SUCLG1: variants seen among roughly 807,000 people sequenced by gnomAD.
SUCLG1 encodes succinate--CoA ligase [ADP/GDP-forming] subunit alpha, mitochondrial.
Under a neutral mutation model 37.3 loss-of-function variants are expected in SUCLG1, and 26 were observed. The ratio of observed to expected loss-of-function variants is 0.70; its 90% CI spans 0.51 to 0.97. SUCLG1 has a LOEUF of 0.97. SUCLG1 is among the 50% of genes least tolerant of loss of function. The pLI, the probability that SUCLG1 is intolerant of heterozygous loss-of-function variation, is 0.00. For missense variants in SUCLG1, 433 were observed against 432.9 expected (o/e 1.00, Z 0.00); for synonymous variants, 163 against 155.6 (o/e 1.05, Z -0.36).
chr2:84,455,842 A>C (rs1305482042), intron 1 of SUCLG1, among the ~76,000 whole-genome samples: 1 of 132,030 alleles, frequency 7.6e-6, no homozygotes, highest in East Asian at 2.0e-4. Context: ...TCTCAAAACA[A>C]AAAAAAAAAA....
At chr2:84,452,320 G>A (rs1672954011) in intron 1 of SUCLG1, among the ~76,000 whole-genome samples, 1 of 152,160 alleles carries the variant, frequency 6.6e-6, no homozygotes, top group African/African-American at 2.4e-5. Context: ...ACTTCCTAAA[G>A]TGAAATTTAG....
chr2:84,457,414 TA>T (rs1673038862), intron 1 of SUCLG1, among the ~76,000 whole-genome samples: 5 of 152,146 alleles, frequency 3.3e-5, no homozygotes, highest in Admixed American at 3.3e-4. Flanking sequence ...CCCACTCCAG[TA>T]ACAAAACTAA....
chr2:84,444,919 T>A (rs985611833), intron 2 of SUCLG1, among the ~76,000 whole-genome samples: 5 of 152,254 alleles, frequency 3.3e-5, no homozygotes, highest in Non-Finnish European at 5.9e-5. Flanking sequence ...TTATCTCTCT[T>A]GTTCCCTGAA....
Position 84,446,143 on chromosome 2 carries a change from T to C in SUCLG1, c.202-2743A>G, listed in dbSNP as rs376270779. On this transcript the variant is annotated intron_variant, in intron 2 of 8. Coordinates refer to ENST00000393868, the MANE Select transcript of SUCLG1 (RefSeq NM_003849.4). The stretch of plus-strand genomic sequence containing the variant: ...TCAGACTTCCCCTGACCACCTGATA[T>C]AAAATCACCCTCTCCTCCATCCTAA... Among the ~76,000 whole-genome samples the C allele has an allele frequency of 3.9e-5, 6 of 152,308 alleles. No homozygotes were observed. In the South Asian group the frequency reaches 8.3e-4, roughly 21 times the overall value.
intron 7 of SUCLG1, among the ~76,000 whole-genome samples, 187 bp downstream of exon 7, chr2:84,431,321 A>G (rs1322551986): frequency 6.6e-6 from 1 of 152,202 alleles, no homozygotes; most frequent in Admixed American, 6.5e-5. Flanking sequence ...TTCAGAATAG[A>G]GAAGCAGAGA....
chr2:84,433,185 C>T, intron 6 of SUCLG1, 167 bp downstream of exon 6: 1 of 704,816 alleles, frequency 1.4e-6, no homozygotes, highest in Admixed American at 2.3e-5. Flanking sequence ...AATCTTGAAA[C>T]AACTACAGAA....
chr2:84,441,508 T>C (rs752481916), intron 3 of SUCLG1, 49 bp from the exon 4 acceptor site: 6 of 1,565,592 alleles, frequency 3.8e-6, no homozygotes, highest in East Asian at 4.6e-5. Flanking sequence ...ATCATAAACA[T>C]TGTAAAATAA....
In SUCLG1 at chr2:84,425,417, T is replaced by G; in HGVS notation, c.1012A>C (p.Lys338Gln). 6.2e-7 allele frequency: 1 copy of G among 1,614,146 alleles called. No homozygotes were observed. Among genetic ancestry groups the G allele is most frequent in the Non-Finnish European group, 8.5e-7 (1 of 1,180,024 alleles). ...SPAQLGTTIY[K>Q]EFEKRKML ...CCTGGGCCACTGTTGGAGCTCACCT[T>G]GTAGATCGTGGTTCCCAGCTGTGCA... The change falls in exon 8 of 9, where the codon AAG becomes CAG. Residue 338 changes from lysine to glutamine, a missense_variant and splice_region_variant. By Grantham distance (53) the Lys-to-Gln change is moderately conservative. Transcript: ENST00000393868.
chr2:84,446,397 C>T (rs922570394), intron 2 of SUCLG1, among the ~76,000 whole-genome samples: 23 of 152,088 alleles, frequency 1.5e-4, no homozygotes, highest in Admixed American at 2.0e-4. Flanking sequence ...GAAAAATGAA[C>T]GAATCTATGT....
At chr2:84,431,214 C>A (rs934481773) in intron 7 of SUCLG1, among the ~76,000 whole-genome samples, 3 of 152,132 alleles carry the variant, frequency 2.0e-5, no homozygotes, top group African/African-American at 7.2e-5. Flanking sequence ...GTCTGCAGGT[C>A]AAGTGCGGGC....
chr2:84,425,117 A>G (rs1228096244), intron 8 of SUCLG1, among the ~76,000 whole-genome samples: 1 of 152,166 alleles, frequency 6.6e-6, no homozygotes, highest in African/African-American at 2.4e-5. Context: ...AAACTCTCAA[A>G]ATGGAAATCA....
intron 6 of SUCLG1, chr2:84,433,105 C>T (rs1230646874): frequency 3.6e-6 from 2 of 552,578 alleles, no homozygotes; most frequent in Non-Finnish European, 6.5e-6. Context: ...TTTCAGGCAC[C>T]AAGGTGCTTC....
chr2:84,438,260 T>C (rs1367964448), intron 5 of SUCLG1, among the ~76,000 whole-genome samples: 1 of 152,206 alleles, frequency 6.6e-6, no homozygotes, highest in African/African-American at 2.4e-5. Context: ...CACATGAATT[T>C]ATAGTTATCT....
chr2:84,441,654 T>C (rs1209624795), intron 3 of SUCLG1, among the ~76,000 whole-genome samples, 195 bp from the exon 4 acceptor site: 2 of 152,140 alleles, frequency 1.3e-5, no homozygotes, highest in Non-Finnish European at 1.5e-5. Context: ...CTCAGCCCAT[T>C]TGAATGCCAC....
At chr2:84,452,594 A>C (rs1331815097) in intron 1 of SUCLG1, among the ~76,000 whole-genome samples, 1 of 152,112 alleles carries the variant, frequency 6.6e-6, no homozygotes, top group Non-Finnish European at 1.5e-5. Flanking sequence ...TACAATAAAC[A>C]CCATCACACA....
chr2:84,445,424 C>CGT (rs1446381969), intron 2 of SUCLG1, among the ~76,000 whole-genome samples: 1 of 152,098 alleles, frequency 6.6e-6, no homozygotes, highest in Admixed American at 6.6e-5. Context: ...CACAAAGACA[C>CGT]ATACACCCCA....
chr2:84,430,446 A>C (rs1672597878), intron 7 of SUCLG1, among the ~76,000 whole-genome samples: 1 of 152,208 alleles, frequency 6.6e-6, no homozygotes, highest in African/African-American at 2.4e-5. Flanking sequence ...GTAAGGAAAG[A>C]GAATGAGAGA....
intron 2 of SUCLG1, among the ~76,000 whole-genome samples, chr2:84,447,904 G>GT (rs1039240536): frequency 1.1e-4 from 16 of 151,446 alleles, no homozygotes; most frequent in African/African-American, 2.2e-4. Context: ...TAATTTTTCT[G>GT]TTTTTTTTGT....
chr2:84,426,277 TA>T (rs57658663), intron 7 of SUCLG1: 3,300 of 135,618 alleles, frequency 0.024, 60 homozygotes, highest in East Asian at 0.076. Flanking sequence ...TTCTGAGGTT[TA>T]AAAAAAAAAA....
Sources: gnomAD v4.1 joint callset for allele counts (sites outside exome capture counted in the v4.1 genomes callset) on GRCh38, gnomAD v4.1.1 for gene constraint, MANE v1.5 for transcripts, NCBI Gene and HGNC (gene_info 2026-07-23, HGNC 2026-07-21) for gene names.